DLG2: variants seen among roughly 807,000 people sequenced by gnomAD.
DLG2 encodes the protein discs large MAGUK scaffold protein 2, also known as disks large homolog 2.
A neutral mutation model predicts 132.5 loss-of-function variants in DLG2; 45 were observed. The ratio of observed to expected loss-of-function variants is 0.34; its 90% CI spans 0.27 to 0.44. The LOEUF (loss-of-function observed/expected upper bound fraction) is 0.44, where lower values mean the gene tolerates loss of function less well. DLG2 is among the 20% of genes least tolerant of loss of function. The pLI, the probability that DLG2 is intolerant of heterozygous loss-of-function variation, is 1.00. For missense variants in DLG2, 1,045 were observed against 1,196.9 expected (o/e 0.87, Z 1.87); for synonymous variants, 424 against 419.6 (o/e 1.01, Z -0.13).
At chr11:84,784,875 C>T (rs1460162910) in intron 6 of DLG2, among the ~76,000 whole-genome samples, 1 of 152,016 alleles carries the variant, frequency 6.6e-6, no homozygotes, top group African/African-American at 2.4e-5. Flanking sequence ...TTCAACAGAT[C>T]TCTTGTACAA....
chr11:85,053,475 C>A (rs1424259486), intron 6 of DLG2, among the ~76,000 whole-genome samples: 1 of 151,800 alleles, frequency 6.6e-6, no homozygotes, highest in Non-Finnish European at 1.5e-5. Context: ...TCTCTTAAAA[C>A]CTGGCAGACA....
chr11:85,491,127 C>A (rs114221201), intron 3 of DLG2, among the ~76,000 whole-genome samples: 20 of 152,110 alleles, frequency 1.3e-4, no homozygotes, highest in African/African-American at 4.8e-4. Context: ...ACTAGAGATG[C>A]AACAAACGTG....
intron 21 of DLG2, among the ~76,000 whole-genome samples, chr11:83,524,559 G>C (rs77798738): frequency 0.019 from 2,851 of 152,048 alleles, 54 homozygotes; most frequent in African/African-American, 0.047. Context: ...GCCTCCCTCT[G>C]GAAATTTATT....
chr11:84,693,051 C>A (rs1174610254), intron 6 of DLG2, among the ~76,000 whole-genome samples: 1 of 151,672 alleles, frequency 6.6e-6, no homozygotes, highest in Non-Finnish European at 1.5e-5. Flanking sequence ...TATATCAATA[C>A]CTCTGTTTTC....
At chr11:85,238,040 T>G (rs370796851) in intron 4 of DLG2, among the ~76,000 whole-genome samples, 1 of 151,744 alleles carries the variant, frequency 6.6e-6, no homozygotes, top group South Asian at 2.1e-4. Context: ...TCTTTGTGGA[T>G]TTTTTTTCCA....
intron 6 of DLG2, among the ~76,000 whole-genome samples, chr11:84,738,706 G>A (rs1334859476): frequency 6.6e-6 from 1 of 152,030 alleles, no homozygotes; most frequent in African/African-American, 2.4e-5. Context: ...CAACCACTTT[G>A]GAAAACAGCT....
intron 6 of DLG2, among the ~76,000 whole-genome samples, chr11:85,106,417 T>C (rs1418974466): frequency 6.6e-6 from 1 of 151,960 alleles, no homozygotes; most frequent in Non-Finnish European, 1.5e-5. Context: ...AGATTCTGCT[T>C]TCAAAGTCTT....
At chr11:83,865,115 A>G (rs2062075910) in intron 16 of DLG2, among the ~76,000 whole-genome samples, 1 of 152,210 alleles carries the variant, frequency 6.6e-6, no homozygotes, top group Admixed American at 6.5e-5. Context: ...ACTTTTGTCT[A>G]GACTTATTTT....
At chr11:83,586,533 TAA>T (rs1332788512) in intron 19 of DLG2, among the ~76,000 whole-genome samples, 1 of 152,222 alleles carries the variant, frequency 6.6e-6, no homozygotes. Flanking sequence ...TTAGGTTCTT[TAA>T]AACTATCATT....
At position 84,688,310 on chromosome 11, in the gene DLG2, C is replaced by T. The variant is rs527813544; in HGVS notation, c.358-153579G>A. Among the ~76,000 whole-genome samples the T allele has an allele frequency of 8.5e-5, 13 of 152,254 alleles. No homozygotes were observed. The South Asian group carries it at 1.0e-3, about 12-fold the overall frequency. ...GTCTCACCACTGCCCACAACTCTTA[C>T]AGCCAAAGTATATATAAAATAAATC... On this transcript the variant is annotated intron_variant, in intron 6 of 27. Coordinates refer to ENST00000376104, the MANE Select transcript of DLG2 (RefSeq NM_001142699.3).
At chr11:85,324,235 T>A (rs1057351665) in intron 3 of DLG2, among the ~76,000 whole-genome samples, 2 of 152,148 alleles carry the variant, frequency 1.3e-5, no homozygotes, top group African/African-American at 2.4e-5. Flanking sequence ...TTTGAATAGC[T>A]TCTACTTGTA....
chr11:83,849,788 C>T (rs921946166), intron 16 of DLG2, among the ~76,000 whole-genome samples: 3 of 147,198 alleles, frequency 2.0e-5, no homozygotes, highest in African/African-American at 7.5e-5. Context: ...TAAAATATTA[C>T]ATTTATAACG....
In DLG2 at chr11:84,393,297, T is replaced by C. The variant is rs541911996; in HGVS notation, c.519+141273A>G. Among the ~76,000 whole-genome samples the C allele has an allele frequency of 2.6e-5, 4 of 152,260 alleles. No homozygotes were observed. The South Asian group carries it at 8.3e-4, about 32-fold the overall frequency. Reference sequence around the variant, plus strand: ...TAAACTTATCTTTTGGAAACATTCTTATTAGAAGATATATGTATATAAAAC... The same window carrying C: ...TAAACTTATCTTTTGGAAACATTCTCATTAGAAGATATATGTATATAAAAC... On this transcript the variant is annotated intron_variant, in intron 7 of 27. Coordinates refer to ENST00000376104, the MANE Select transcript of DLG2 (RefSeq NM_001142699.3).
intron 5 of DLG2, among the ~76,000 whole-genome samples, chr11:85,116,711 C>A (rs772290227): frequency 4.0e-5 from 6 of 151,668 alleles, no homozygotes; most frequent in South Asian, 2.1e-4. Flanking sequence ...CATTGGAAGT[C>A]CTAAGACACC....
chr11:83,803,698 T>C (rs544862198), intron 17 of DLG2, among the ~76,000 whole-genome samples: 7 of 152,174 alleles, frequency 4.6e-5, no homozygotes, highest in Non-Finnish European at 8.8e-5. Context: ...GTAATGTAAG[T>C]GAAAAGGGTT....
At chr11:85,501,484 C>A (rs2093801956) in intron 3 of DLG2, among the ~76,000 whole-genome samples, 1 of 152,136 alleles carries the variant, frequency 6.6e-6, no homozygotes, top group Non-Finnish European at 1.5e-5. Flanking sequence ...GAACAGGCAA[C>A]CTACAGAACG....
chr11:83,486,059 T>C, intron 21 of DLG2: 2 of 474,566 alleles, frequency 4.2e-6, no homozygotes, highest in Non-Finnish European at 7.4e-6. Context: ...TTTATTACTC[T>C]GCTGACAGCA....
chr11:85,542,119 T>G (rs937131279), intron 3 of DLG2, among the ~76,000 whole-genome samples: 2 of 152,196 alleles, frequency 1.3e-5, no homozygotes, highest in African/African-American at 4.8e-5. Flanking sequence ...AAATGAATTC[T>G]TTACAAAGCA....
chr11:83,688,966 T>C (rs539601604), intron 18 of DLG2, among the ~76,000 whole-genome samples: 29 of 152,278 alleles, frequency 1.9e-4, no homozygotes, highest in African/African-American at 7.0e-4. Flanking sequence ...GGGCTTACGA[T>C]GTCCCAGGCA....
Sources: gnomAD v4.1 joint callset for allele counts (sites outside exome capture counted in the v4.1 genomes callset) on GRCh38, gnomAD v4.1.1 for gene constraint, MANE v1.5 for transcripts, NCBI Gene and HGNC (gene_info 2026-07-23, HGNC 2026-07-21) for gene names.